Variants in MAP3K4 observed in about 807,000 individuals in gnomAD.
The protein encoded by MAP3K4 is mitogen-activated protein kinase kinase kinase 4.
MAP3K4 carries 67 observed loss-of-function variants against 185.6 expected under a neutral mutation model. The ratio of observed to expected loss-of-function variants is 0.36; its 90% CI spans 0.30 to 0.44. The LOEUF is 0.44. Among genes scored for constraint, MAP3K4 ranks in the 20% least tolerant of loss-of-function variants. The pLI is 1.00. For missense variants in MAP3K4, 1,551 were observed against 1,995.1 expected, an observed-to-expected ratio of 0.78 and a Z score of 4.24; for synonymous variants, 702 against 710.4, an observed-to-expected ratio of 0.99 and a Z score of 0.19.
At chr6:160,994,979 G>A (rs1302375774) in intron 1 of MAP3K4, among the ~76,000 whole-genome samples, 7 of 152,210 alleles carry the variant, frequency 4.6e-5, no homozygotes, top group Non-Finnish European at 7.3e-5. Flanking sequence ...GATTACAGGC[G>A]TGAGCCACTG....
intron 1 of MAP3K4, among the ~76,000 whole-genome samples, chr6:161,032,310 G>A (rs1273671108): frequency 6.6e-6 from 1 of 152,156 alleles, no homozygotes; most frequent in East Asian, 1.9e-4. Flanking sequence ...AGATGAGCAA[G>A]AACTCAGGTT....
At chr6:160,997,878 C>T (rs929866184) in intron 1 of MAP3K4, among the ~76,000 whole-genome samples, 8 of 151,988 alleles carry the variant, frequency 5.3e-5, no homozygotes, top group South Asian at 2.1e-4. Flanking sequence ...GAGAGAGAAA[C>T]GCGCATTTTA....
chr6:161,078,633 G>A (rs907844458), intron 5 of MAP3K4, among the ~76,000 whole-genome samples: 2 of 152,194 alleles, frequency 1.3e-5, no homozygotes, highest in African/African-American at 4.8e-5. Context: ...GCAATGACAA[G>A]ATCCAAGGTG....
At chr6:161,085,253 TAAAA>T (rs372310049) in intron 7 of MAP3K4, among the ~76,000 whole-genome samples, 1 of 152,218 alleles carries the variant, frequency 6.6e-6, no homozygotes, top group Admixed American at 6.5e-5. Context: ...TTTCTGTTCT[TAAAA>T]AATCTGTGTA....
intron 1 of MAP3K4, among the ~76,000 whole-genome samples, chr6:160,993,580 C>T (rs1223689891): frequency 6.6e-6 from 1 of 152,192 alleles, no homozygotes; most frequent in Non-Finnish European, 1.5e-5. Flanking sequence ...ATGTCTTTAA[C>T]CACCATGAAG....
At chr6:160,992,409 T>A (rs1289206307) in intron 1 of MAP3K4, 1 of 408,434 alleles carries the variant, frequency 2.4e-6, no homozygotes, top group Non-Finnish European at 4.3e-6. Context: ...GCCGCTAGCT[T>A]CGGAAGAGTG....
chr6:161,069,713 C>T (rs996423455), intron 3 of MAP3K4, among the ~76,000 whole-genome samples: 2 of 152,054 alleles, frequency 1.3e-5, no homozygotes, highest in Non-Finnish European at 2.9e-5. Flanking sequence ...AAGTCCTTGC[C>T]CTCAGGAAGT....
chr6:161,004,388 C>G (rs1781477104), intron 1 of MAP3K4, among the ~76,000 whole-genome samples: 1 of 152,194 alleles, frequency 6.6e-6, no homozygotes, highest in Non-Finnish European at 1.5e-5. Flanking sequence ...ATATTTACAA[C>G]ATTTTACCTA....
rs1027994914 is a variant in MAP3K4 at position 161,100,826 on chromosome 6, A to G, written c.3675-1066A>G. 6.6e-6 allele frequency among the ~76,000 whole-genome samples: 1 copy of G among 152,184 alleles called. No homozygotes were observed. The highest frequency in any genetic ancestry group is 2.4e-5 in the African/African-American group (1 of 41,438). ...GGAGTGGAGTAGGCTTCCTCACTTC[A>G]ACACCAGTGGTTTTCCCGTCAGATA... On this transcript the variant is annotated intron_variant, in intron 17 of 26. Transcript: ENST00000392142. This position sits in a 1 kb window ranked among gnomAD's most constrained non-coding sequence, Gnocchi z 5.8.
rs192117163 is a variant in MAP3K4 at position 161,014,705 on chromosome 6, A to G, written c.153-19554A>G. Among the ~76,000 whole-genome samples, 55 of 152,328 alleles carry G rather than the reference A, an allele frequency of 3.6e-4. 1 individual carries two copies. Among genetic ancestry groups the G allele is most frequent in the Non-Finnish European group, 6.6e-4 (45 of 68,028 alleles). Reference sequence around the variant, plus strand: ...TGGAATTCACATGGAGAGGAAGAGAACTATAACAGTAGGGCTCTTGCCTTT... The same window carrying G: ...TGGAATTCACATGGAGAGGAAGAGAGCTATAACAGTAGGGCTCTTGCCTTT... On this transcript the variant is annotated intron_variant, in intron 1 of 26. Transcript: ENST00000392142.
chr6:161,073,594 T>C lies in MAP3K4; in HGVS notation c.2079T>C (p.Asp693=). ...GCAACATTGACGCTTTTGAAGAGGA[T>C]CTACATAAAATGCTTATGGTCAGAA... is the stretch of plus-strand genomic sequence containing the variant. The part of the protein sequence containing the change: ...PDCNIDAFEE[D]LHKMLMVYFD... Residue 693 remains aspartate (D), a synonymous_variant, in exon 5 of 27, where the codon GAT becomes GAC. Coordinates refer to ENST00000392142, the MANE Select transcript of MAP3K4 (RefSeq NM_005922.4). The surrounding 1 kb of genome is among the most constrained non-coding windows in gnomAD (Gnocchi z 4.2). The C allele has an allele frequency of 1.9e-6, 3 of 1,613,598 alleles. No homozygotes were observed. Among genetic ancestry groups the C allele is most frequent in the Non-Finnish European group, 2.5e-6 (3 of 1,179,776 alleles).
In MAP3K4 at chr6:161,073,421, G is replaced by A; in HGVS notation, c.1951-45G>A. On this transcript the variant is annotated intron_variant, in intron 4 of 26. Coordinates refer to ENST00000392142, the MANE Select transcript of MAP3K4 (RefSeq NM_005922.4). This position sits in a 1 kb window ranked among gnomAD's most constrained non-coding sequence, Gnocchi z 4.2. ...GGAAGATATAAAACACGGATCGTCTGGTTGGAGTTTATGGCTGCTGGAACC... is the reference window on the plus strand; with the variant it reads ...GGAAGATATAAAACACGGATCGTCTAGTTGGAGTTTATGGCTGCTGGAACC... 6.6e-7 allele frequency: 1 copy of A among 1,516,574 alleles called. No individual in the cohort carries two copies. Among genetic ancestry groups the A allele is most frequent in the East Asian group, 2.4e-5 (1 of 41,086 alleles). 93.9% of individuals were successfully genotyped at this position (1,516,574 alleles called of 1,614,324 possible).
chr6:161,055,477 A>G (rs1457629762), intron 3 of MAP3K4, among the ~76,000 whole-genome samples: 2 of 152,234 alleles, frequency 1.3e-5, no homozygotes, highest in African/African-American at 4.8e-5. Context: ...TTCATCCAGC[A>G]CGCCTTAATA....
chr6:161,104,691 C>G (rs1188346975), intron 19 of MAP3K4, among the ~76,000 whole-genome samples: 1 of 124,022 alleles, frequency 8.1e-6, no homozygotes, highest in African/African-American at 3.1e-5. Context: ...AGCCTGGTGA[C>G]AGAGGGAGAC....
chr6:161,111,925 C>T lies in MAP3K4; in HGVS notation c.4486C>T (p.Pro1496Ser), dbSNP rs948691843. 6.2e-7 allele frequency: 1 copy of T among 1,614,120 alleles called. No homozygotes were observed. Among genetic ancestry groups the T allele is most frequent in the Non-Finnish European group, 8.5e-7 (1 of 1,180,000 alleles). ...GCTCAAAAACAATGCCCAGACCATGCCTGGTGAAGTGAACAGCACCCTGGG... is the reference window on the plus strand; with the variant it reads ...GCTCAAAAACAATGCCCAGACCATGTCTGGTGAAGTGAACAGCACCCTGGG... ...VKLKNNAQTM[P>S]GEVNSTLGTA... Residue 1496 changes from proline (P) to serine (S), a missense_variant, in exon 24 of 27, where the codon CCT (proline) becomes TCT (serine). By Grantham distance (74) the Pro-to-Ser change is moderately conservative. Coordinates refer to ENST00000392142, the MANE Select transcript of MAP3K4 (RefSeq NM_005922.4).
At position 161,017,758 on chromosome 6, in the gene MAP3K4, G is replaced by A. The variant is rs1240240625; in HGVS notation, c.153-16501G>A. Among the ~76,000 whole-genome samples the A allele has an allele frequency of 6.6e-6, 1 of 152,114 alleles. No homozygotes were observed. The highest frequency in any genetic ancestry group is 1.5e-5 in the Non-Finnish European group (1 of 68,030). On this transcript the variant is annotated intron_variant, in intron 1 of 26. Transcript: ENST00000392142. The surrounding 1 kb of genome is among the most constrained non-coding windows in gnomAD (Gnocchi z 5.1). ...TTCTCCTTTGCTTCCTAAAGACACT[G>A]CTGTGTGATCCTATTATATAATACT...
At chr6:161,105,838 GTT>G (rs5881392) in intron 19 of MAP3K4, among the ~76,000 whole-genome samples, 105 of 132,590 alleles carry the variant, frequency 7.9e-4, no homozygotes, top group Non-Finnish European at 9.0e-4. Context: ...TTGGTTTTTT[GTT>G]TTTTTTTTTT....
rs1030207487 is a variant in MAP3K4 at position 161,110,055 on chromosome 6, G to A, written c.4396+141G>A. ...CTTTCATTGAAATACGCCTCTATAA[G>A]GATCCTGTATTCAGAAACAAGGTAG... On this transcript the variant is annotated intron_variant, in intron 23 of 26. Coordinates refer to ENST00000392142, the MANE Select transcript of MAP3K4 (RefSeq NM_005922.4). This position sits in a 1 kb window ranked among gnomAD's most constrained non-coding sequence, Gnocchi z 4.8. 2.3e-6 allele frequency: 2 copies of A among 860,262 alleles called. No homozygotes were observed. Among genetic ancestry groups the A allele is most frequent in the Non-Finnish European group, 1.8e-6 (1 of 557,932 alleles). The allele number at this position is 860,262 out of a possible 1,614,324, so 53.3% of individuals were successfully genotyped here. A position where few individuals can be genotyped will look rare whatever the true frequency, so the allele number is the denominator to read the frequency against.
rs1038305164 is a variant in MAP3K4, at chr6:161,082,358, A to T, written c.2255+1320A>T. Among the ~76,000 whole-genome samples the T allele has an allele frequency of 6.6e-6, 1 of 151,704 alleles. No individual in the cohort carries two copies. The highest frequency in any genetic ancestry group is 2.4e-5 in the African/African-American group (1 of 41,258). On this transcript the variant is annotated intron_variant, in intron 6 of 26. Coordinates refer to ENST00000392142, the MANE Select transcript of MAP3K4 (RefSeq NM_005922.4). This position sits in a 1 kb window ranked among gnomAD's most constrained non-coding sequence, Gnocchi z 4.2. Reference sequence around the variant, plus strand: ...TGTTGAAGAAATGTTTTTAAAGGTTACTCTTTAGTTTCACTACAAATTCAT... The same window carrying T: ...TGTTGAAGAAATGTTTTTAAAGGTTTCTCTTTAGTTTCACTACAAATTCAT...
Sources: gnomAD v4.1 joint callset for allele counts (sites outside exome capture counted in the v4.1 genomes callset) on GRCh38, gnomAD v4.1.1 for gene constraint, Gnocchi (gnomAD v3.1) non-coding constraint, MANE v1.5 for transcripts, NCBI Gene and HGNC (gene_info 2026-07-23, HGNC 2026-07-21) for gene names.